The following MTCL3 variants were observed in gnomAD, a reference collection of about 807,000 sequenced individuals.
MTCL3 encodes the protein MTCL family member 3.
At chr6:127,515,645 C>T in the MTCL3 span, 1 of 1,470,104 alleles carries the variant, frequency 6.8e-7, no homozygotes, top group South Asian at 1.4e-5. This position sits in a 1 kb window ranked among gnomAD's most constrained non-coding sequence, Gnocchi z 4.3. Context: ...CTCGCGCTGC[C>T]CTCTGCGCTC....
chr6:127,474,432 C>A, the MTCL3 span, among the ~76,000 whole-genome samples: 6 of 152,104 alleles, frequency 3.9e-5, no homozygotes, highest in African/African-American at 1.2e-4. Flanking sequence ...GAGTGCGCCA[C>A]CACACCAGGC....
At chr6:127,499,276 T>G in the MTCL3 span, among the ~76,000 whole-genome samples, 5 of 152,128 alleles carry the variant, frequency 3.3e-5, no homozygotes, top group Middle Eastern at 3.2e-3. Flanking sequence ...CTCTGAAGAC[T>G]AGGAAGCTGT....
the MTCL3 span, among the ~76,000 whole-genome samples, chr6:127,488,250 C>T: frequency 2.8e-4 from 43 of 152,168 alleles, no homozygotes; most frequent in Non-Finnish European, 4.1e-4. Context: ...ATAAGAGAGA[C>T]CTTCCCAGGC....
At chr6:127,500,814 A>G in the MTCL3 span, among the ~76,000 whole-genome samples, 1 of 152,006 alleles carries the variant, frequency 6.6e-6, no homozygotes, top group African/African-American at 2.4e-5. Flanking sequence ...AAACTAACTG[A>G]AAGAATTTTT....
chr6:127,484,732 G>C, the MTCL3 span, among the ~76,000 whole-genome samples: 3 of 152,266 alleles, frequency 2.0e-5, no homozygotes, highest in South Asian at 6.2e-4. Context: ...ATTCAACACA[G>C]TGTTATGAAA....
At chr6:127,510,434 C>T in the MTCL3 span, among the ~76,000 whole-genome samples, 58 of 152,350 alleles carry the variant, frequency 3.8e-4, no homozygotes, top group South Asian at 1.7e-3. Flanking sequence ...ACCCTTTCTT[C>T]CTGGTGGCCA....
At chr6:127,481,105 G>A in the MTCL3 span, among the ~76,000 whole-genome samples, 5 of 152,220 alleles carry the variant, frequency 3.3e-5, no homozygotes, top group Admixed American at 2.6e-4. Context: ...CACATGCATA[G>A]TGAGTGGAGG....
chr6:127,474,614 C>G, the MTCL3 span, among the ~76,000 whole-genome samples: 2 of 152,058 alleles, frequency 1.3e-5, no homozygotes, highest in Non-Finnish European at 2.9e-5. Flanking sequence ...GGGTTTCACT[C>G]TTGCCCAGGC....
chr6:127,510,657 G>A, the MTCL3 span, among the ~76,000 whole-genome samples: 1 of 152,102 alleles, frequency 6.6e-6, no homozygotes, highest in Non-Finnish European at 1.5e-5. Flanking sequence ...GTAATCAAGC[G>A]AAGTTTGTTT....
At chr6:127,515,454 C>T in the MTCL3 span, 1 of 1,384,998 alleles carries the variant, frequency 7.2e-7, no homozygotes. This position sits in a 1 kb window ranked among gnomAD's most constrained non-coding sequence, Gnocchi z 4.3. Flanking sequence ...CCGGTACACG[C>T]CCTAATCCTC....
chr6:127,498,791 C>A, the MTCL3 span, among the ~76,000 whole-genome samples: 12 of 152,030 alleles, frequency 7.9e-5, no homozygotes, highest in Non-Finnish European at 1.6e-4. Context: ...CTCAAAAACA[C>A]TGGTCTAGGT....
At chr6:127,490,279 T>C in the MTCL3 span, among the ~76,000 whole-genome samples, 1 of 152,182 alleles carries the variant, frequency 6.6e-6, no homozygotes, top group Non-Finnish European at 1.5e-5. Flanking sequence ...TCGTTGATAA[T>C]GCACTTGGTC....
chr6:127,477,048 A>C, the MTCL3 span, among the ~76,000 whole-genome samples: 1 of 152,258 alleles, frequency 6.6e-6, no homozygotes, highest in South Asian at 2.1e-4. Context: ...GTTCTGTCTG[A>C]AACAAATGCT....
chr6:127,487,437 G>C, the MTCL3 span, among the ~76,000 whole-genome samples: 1,364 of 152,242 alleles, frequency 9.0e-3, 26 homozygotes, highest in African/African-American at 0.031. Context: ...TGTGACTATA[G>C]GGTAACACTG....
the MTCL3 span, chr6:127,516,137 G>T: frequency 5.5e-6 from 8 of 1,450,954 alleles, no homozygotes; most frequent in East Asian, 2.6e-5. Flanking sequence ...AGCGGAGGGG[G>T]TTCCCCGAGT....
the MTCL3 span, chr6:127,516,293 G>T: frequency 1.3e-6 from 2 of 1,550,678 alleles, no homozygotes; most frequent in South Asian, 1.2e-5. Context: ...TTGGGCGCCA[G>T]GGGCGTCGCC....
chr6:127,480,239 C>T, the MTCL3 span, among the ~76,000 whole-genome samples: 1 of 152,346 alleles, frequency 6.6e-6, no homozygotes, highest in East Asian at 1.9e-4. Context: ...TGTACAACAA[C>T]TCTCTATTAT....
At chr6:127,515,084 C>G in the MTCL3 span, 1 of 1,580,074 alleles carries the variant, frequency 6.3e-7, no homozygotes, top group South Asian at 1.1e-5. The surrounding 1 kb of genome is among the most constrained non-coding windows in gnomAD (Gnocchi z 4.3). Context: ...AAATCAAACT[C>G]GCTTCCAGCC....
chr6:127,493,207 A>G, the MTCL3 span, among the ~76,000 whole-genome samples: 1 of 152,194 alleles, frequency 6.6e-6, no homozygotes, highest in Non-Finnish European at 1.5e-5. Context: ...TTTCCTACTT[A>G]TGTAAATTTA....
Sources: allele counts gnomAD v4.1 joint callset (sites outside exome capture counted in the v4.1 genomes callset), GRCh38; gene constraint gnomAD v4.1.1; non-coding constraint Gnocchi (gnomAD v3.1); transcripts MANE v1.5; gene names NCBI Gene and HGNC (gene_info 2026-07-23, HGNC 2026-07-21).